GNPAT: variants seen among roughly 807,000 people sequenced by gnomAD.
The protein encoded by GNPAT is glyceronephosphate O-acyltransferase, also known as dihydroxyacetone phosphate acyltransferase.
A neutral mutation model predicts 78.4 loss-of-function variants in GNPAT; 30 were observed. The observed-to-expected ratio is 0.38, with a 90% confidence interval of 0.29 to 0.52. The LOEUF is 0.52. Among genes scored for constraint, GNPAT ranks in the 20% least tolerant of loss-of-function variants. The pLI, the probability that GNPAT is intolerant of heterozygous loss-of-function variation, is 0.84. For missense variants in GNPAT, 714 were observed against 812.2 expected (o/e 0.88, Z 1.47); for synonymous variants, 271 against 281.1 (o/e 0.96, Z 0.36).
Position 231,275,334 on chromosome 1 carries a change from C to T in GNPAT, c.1843+14C>T, listed in dbSNP as rs772217755. 36 of 1,587,238 alleles carry T rather than the reference C, an allele frequency of 2.3e-5. No homozygotes were observed. Among genetic ancestry groups the T allele is most frequent in the Non-Finnish European group, 2.9e-5 (34 of 1,155,340 alleles). On this transcript the variant is annotated intron_variant, in intron 13 of 15. Coordinates refer to ENST00000366647, the MANE Select transcript of GNPAT (RefSeq NM_014236.4). ...TTCTCGATCAAGGTCAGTCACTGCT[C>T]TGTGGGTGCTGATTTCTTTTAGTTG...
chr1:231,261,724 C>T (rs1685229639), intron 3 of GNPAT, among the ~76,000 whole-genome samples: 1 of 152,048 alleles, frequency 6.6e-6, no homozygotes, highest in Admixed American at 6.5e-5. Context: ...TTAATGATTG[C>T]CAAATGATGA....
At chr1:231,260,799 A>C in intron 3 of GNPAT, 116 bp downstream of exon 3, 1 of 734,994 alleles carries the variant, frequency 1.4e-6, no homozygotes, top group Non-Finnish European at 2.3e-6. Context: ...AGGACAGCTC[A>C]CTTGGTCAAT....
At chr1:231,268,890 A>G (rs1235648359) in intron 9 of GNPAT, among the ~76,000 whole-genome samples, 3 of 140,696 alleles carry the variant, frequency 2.1e-5, no homozygotes, top group African/African-American at 8.2e-5. Flanking sequence ...TGGGTGATAG[A>G]GCGAGATTCC....
Position 231,247,992 on chromosome 1 carries a change from CT to C in GNPAT, c.79-2968del, listed in dbSNP as rs1684793916. ...GCAAGCTTTTTCAAAGTATACATGC[CT>C]GCTAGTTTCCCTTAGGGGTTCTTAT... is the stretch of plus-strand genomic sequence containing the variant. On this transcript the variant is annotated intron_variant, in intron 1 of 15. Transcript: ENST00000366647. Among the ~76,000 whole-genome samples, 4 of 152,288 alleles carry C rather than the reference CT, an allele frequency of 2.6e-5. No homozygotes were observed. The South Asian group carries it at 8.3e-4, about 32-fold the overall frequency.
intron 2 of GNPAT, among the ~76,000 whole-genome samples, chr1:231,258,675 C>T (rs1342395586): frequency 6.5e-5 from 9 of 139,250 alleles, no homozygotes; most frequent in African/African-American, 8.2e-5. Context: ...TCTGTCGCCC[C>T]GGCTGGAGGC....
Position 231,266,114 on chromosome 1 carries a change from T to C in GNPAT, c.873T>C (p.Thr291=). Residue 291 remains threonine, a synonymous_variant, in exon 7 of 16, where the codon ACT becomes ACC. Transcript: ENST00000366647. ...SISYDKILEE[T]LYVYELLGVP... is the part of the protein sequence containing the mutation. The stretch of plus-strand genomic sequence containing the variant: ...GTTATGATAAGATCTTGGAAGAAAC[T>C]CTTTATGTGTATGAGCTTCTAGGGG... 1 of 1,612,842 alleles carries C rather than the reference T, an allele frequency of 6.2e-7. No homozygotes were observed.
At chr1:231,261,769 G>A (rs1002354241) in intron 3 of GNPAT, among the ~76,000 whole-genome samples, 2 of 152,122 alleles carry the variant, frequency 1.3e-5, no homozygotes, top group African/African-American at 2.4e-5. Context: ...TCCTTATGAA[G>A]AGTATTTTTA....
At chr1:231,276,081 A>G (rs1341812473) in intron 14 of GNPAT, 54 bp from the exon 15 acceptor site, 8 of 810,932 alleles carry the variant, frequency 9.9e-6, no homozygotes, top group Admixed American at 1.9e-5. Flanking sequence ...AAAATATAAA[A>G]GTTGTCTTTT....
Position 231,265,285 on chromosome 1 carries a change from T to G in GNPAT, c.569-8T>G, listed in dbSNP as rs756133239. 2 of 1,604,318 alleles carry G rather than the reference T, an allele frequency of 1.2e-6. No homozygotes were observed. The highest frequency in any genetic ancestry group is 2.2e-5 in the South Asian group (2 of 90,888). ...ATCTGCAAATAAATATTATCCCCTC[T>G]TTTTTAGACTTCCTGGGAATGAAAA... On this transcript the variant is annotated splice_region_variant and splice_polypyrimidine_tract_variant and intron_variant, in intron 4 of 15. Transcript: ENST00000366647.
intron 8 of GNPAT, among the ~76,000 whole-genome samples, chr1:231,267,149 C>T (rs2102819540): frequency 6.6e-6 from 1 of 152,202 alleles, no homozygotes; most frequent in East Asian, 1.9e-4. Flanking sequence ...ATTAAGCCAC[C>T]TGTGTGGCAA....
intron 11 of GNPAT, 31 bp from the exon 12 acceptor site, chr1:231,273,891 A>G (rs777276739): frequency 1.3e-6 from 2 of 1,598,620 alleles, no homozygotes; most frequent in Non-Finnish European, 8.6e-7. Flanking sequence ...ATTAACCTAG[A>G]TGAACATTAT....
chr1:231,274,233 G>C (rs902741446), intron 12 of GNPAT, among the ~76,000 whole-genome samples, 171 bp downstream of exon 12: 1 of 152,212 alleles, frequency 6.6e-6, no homozygotes, highest in African/African-American at 2.4e-5. Context: ...GTGAGACCTT[G>C]CTCCCCGCAT....
In GNPAT at chr1:231,241,392, G is replaced by A; in HGVS notation, c.14G>A (p.Ser5Asn). Reference protein sequence around the residue: MESSSSSNSYFSVGP... With the variant: MESSNSSNSYFSVGP... ...GGCAGCCGCACCATGGAGTCTTCCA[G>A]TTCATCTAACTCTTATTTCTCCGTT... Residue 5 changes from serine to asparagine, a missense_variant, in exon 1 of 16, where the codon AGT becomes AAT. Ser to Asn is a conservative substitution (Grantham distance 46). Transcript: ENST00000366647. 6.2e-7 allele frequency: 1 copy of A among 1,613,720 alleles called. No individual in the cohort carries two copies. Among genetic ancestry groups the A allele is most frequent in the Non-Finnish European group, 8.5e-7 (1 of 1,179,602 alleles).
At chr1:231,245,569 T>C (rs1473462921) in intron 1 of GNPAT, among the ~76,000 whole-genome samples, 1 of 152,212 alleles carries the variant, frequency 6.6e-6, no homozygotes, top group Non-Finnish European at 1.5e-5. Context: ...ATTTTCCTTA[T>C]ATTCTCTTTC....
chr1:231,248,154 C>T (rs1441857040), intron 1 of GNPAT, among the ~76,000 whole-genome samples: 1 of 152,136 alleles, frequency 6.6e-6, no homozygotes, highest in African/African-American at 2.4e-5. Context: ...CCAAAAGTTT[C>T]ATTAGTAGTA....
Position 231,270,856 on chromosome 1 carries a change from G to A in GNPAT, c.1378G>A (p.Gly460Arg), listed in dbSNP as rs1313619231. ...CCAGGTGATTCTGAAAGTGGACTCC[G>A]GAGACTCGGAAGTGGTCGATGGGCT... ...KDQVILKVDS[G>R]DSEVVDGLML... The change falls in exon 10 of 16, where the codon GGA becomes AGA. Residue 460 changes from glycine (G) to arginine (R), a missense_variant. Gly to Arg is a moderately radical substitution (Grantham distance 125). Coordinates refer to ENST00000366647, the MANE Select transcript of GNPAT (RefSeq NM_014236.4). The A allele has an allele frequency of 2.5e-5, 41 of 1,614,094 alleles. No individual in the cohort carries two copies. Among genetic ancestry groups the A allele is most frequent in the Middle Eastern group, 1.6e-4 (1 of 6,062 alleles).
intron 2 of GNPAT, among the ~76,000 whole-genome samples, chr1:231,252,282 G>A (rs1165666075): frequency 6.6e-6 from 1 of 152,166 alleles, no homozygotes. Context: ...TGACCAGTTG[G>A]GTGTAGGAAT....
intron 1 of GNPAT, among the ~76,000 whole-genome samples, chr1:231,245,910 AG>A (rs1309858772): frequency 6.6e-6 from 1 of 152,164 alleles, no homozygotes; most frequent in Non-Finnish European, 1.5e-5. Flanking sequence ...TGGAAGTTGC[AG>A]TGAGCCGAGA....
chr1:231,241,828 T>TG (rs1276497133), intron 1 of GNPAT, among the ~76,000 whole-genome samples: 1 of 152,240 alleles, frequency 6.6e-6, no homozygotes, highest in African/African-American at 2.4e-5. Flanking sequence ...CTGAGAAACT[T>TG]GCGGGTTTGA....
Sources: gnomAD v4.1 joint callset for allele counts (sites outside exome capture counted in the v4.1 genomes callset) on GRCh38, gnomAD v4.1.1 for gene constraint, MANE v1.5 for transcripts, NCBI Gene and HGNC (gene_info 2026-07-23, HGNC 2026-07-21) for gene names.